Variants in ANKRD50 observed in about 807,000 individuals in gnomAD.
The protein encoded by ANKRD50 is ankyrin repeat domain-containing protein 50.
In ANKRD50, 40 loss-of-function variants were observed where a neutral mutation model predicts 112.0. The ratio of observed to expected loss-of-function variants is 0.36; its 90% CI spans 0.28 to 0.46. ANKRD50 has a LOEUF of 0.46. Ranked by LOEUF, ANKRD50 falls within the 20% of genes least tolerant of loss-of-function variation. The pLI is 1.00. For missense variants in ANKRD50, 1,487 were observed against 1,701.7 expected, an observed-to-expected ratio of 0.87 and a Z score of 2.22; for synonymous variants, 613 against 619.1, an observed-to-expected ratio of 0.99 and a Z score of 0.15.
chr4:124,690,184 GA>G (rs1376490071), intron 2 of ANKRD50, among the ~76,000 whole-genome samples: 2 of 152,154 alleles, frequency 1.3e-5, no homozygotes, highest in African/African-American at 4.8e-5. Context: ...GGGACATTTG[GA>G]ATATGCCAAA....
At chr4:124,702,468 T>C (rs1725413173) in intron 2 of ANKRD50, among the ~76,000 whole-genome samples, 1 of 152,182 alleles carries the variant, frequency 6.6e-6, no homozygotes, top group Non-Finnish European at 1.5e-5. Flanking sequence ...AGTACTCTAA[T>C]GCACACAGGA....
intron 2 of ANKRD50, among the ~76,000 whole-genome samples, chr4:124,692,166 C>T (rs915246968): frequency 6.6e-6 from 1 of 152,144 alleles, no homozygotes; most frequent in Non-Finnish European, 1.5e-5. Flanking sequence ...GAGAATATTC[C>T]AAAATCAAAC....
At position 124,671,973 on chromosome 4, in the gene ANKRD50, A is replaced by C; in HGVS notation, c.1304T>G (p.Met435Arg). 1 of 1,613,956 alleles carries C rather than the reference A, an allele frequency of 6.2e-7. No individual in the cohort carries two copies. The highest frequency in any genetic ancestry group is 1.3e-5 in the African/African-American group (1 of 75,018). Residue 435 changes from methionine (M) to arginine (R), a missense_variant, in exon 4 of 5, where the codon ATG becomes AGG. This residue lies in a region of ANKRD50 where 1,046 missense variants were observed against 1,269.5 expected (regional missense o/e 0.82). Coordinates refer to ENST00000504087, the MANE Select transcript of ANKRD50 (RefSeq NM_020337.3). ...TTGACAGGTATAACTCATAGCCAAC[A>C]TTCTGTGTCCTTCTGCTGCATTACA... Reference protein sequence around the residue: ...YLCNAAEGHRMLAMSYTCQAK... With the variant: ...YLCNAAEGHRRLAMSYTCQAK...
At position 124,670,096 on chromosome 4, in the gene ANKRD50, C is replaced by G; in HGVS notation, c.3181G>C (p.Val1061Leu). ...IAAQEGHIDV[V>L]QVLLEHGADP... Reference sequence around the variant, plus strand: ...GCACCATGCTCTAATAAGACCTGAACAACATCAATGTGCCCTTCCTGGGCT... The same window carrying G: ...GCACCATGCTCTAATAAGACCTGAAGAACATCAATGTGCCCTTCCTGGGCT... The change falls in exon 4 of 5, where the codon GTT (valine) becomes CTT (leucine). Residue 1061 changes from valine to leucine, a missense_variant. Transcript: ENST00000504087. The G allele has an allele frequency of 6.2e-7, 1 of 1,613,452 alleles. No individual in the cohort carries two copies. The highest frequency in any genetic ancestry group is 8.5e-7 in the Non-Finnish European group (1 of 1,179,776).
chr4:124,673,144 G>A (rs1730699107), intron 3 of ANKRD50, among the ~76,000 whole-genome samples: 2 of 151,778 alleles, frequency 1.3e-5, no homozygotes, highest in South Asian at 4.2e-4. Context: ...GCTAAATTAT[G>A]GTCAAAAAAC....
intron 2 of ANKRD50, among the ~76,000 whole-genome samples, chr4:124,683,538 C>A (rs1018226766): frequency 6.6e-6 from 1 of 151,362 alleles, no homozygotes; most frequent in Non-Finnish European, 1.5e-5. Context: ...TATTTATGTA[C>A]CCCTTCATGC....
At chr4:124,668,958 T>C in intron 4 of ANKRD50, 26 bp downstream of exon 4, 1 of 1,577,620 alleles carries the variant, frequency 6.3e-7, no homozygotes, top group Non-Finnish European at 8.6e-7. Context: ...TTTTGTTTTT[T>C]ACTCTTTATG....
At chr4:124,702,425 C>A (rs1725411772) in intron 2 of ANKRD50, among the ~76,000 whole-genome samples, 1 of 152,110 alleles carries the variant, frequency 6.6e-6, no homozygotes, top group Non-Finnish European at 1.5e-5. Flanking sequence ...TCAAAGAAAA[C>A]TCTAGAATCC....
chr4:124,676,643 T>A (rs542235303), intron 3 of ANKRD50, among the ~76,000 whole-genome samples: 8 of 151,686 alleles, frequency 5.3e-5, no homozygotes, highest in African/African-American at 1.9e-4. Context: ...TACCTTTTAG[T>A]AAAAAATAGT....
At chr4:124,699,839 A>G (rs975514672) in intron 2 of ANKRD50, among the ~76,000 whole-genome samples, 8 of 151,802 alleles carry the variant, frequency 5.3e-5, no homozygotes, top group African/African-American at 1.9e-4. Context: ...AAAAATTACC[A>G]GTGTGAAGAA....
chr4:124,710,273 C>T lies in ANKRD50; in HGVS notation c.239G>A (p.Gly80Asp). 6.2e-7 allele frequency: 1 copy of T among 1,614,188 alleles called. No individual in the cohort carries two copies. The highest frequency in any genetic ancestry group is 8.5e-7 in the Non-Finnish European group (1 of 1,180,030). ...AGTACATAGGGCCGTCTTGCCACTG[C>T]CAGGCCCTCCTACCAACAACACACC... ...AWGVLLVGGP[G>D]SGKTALCTEL... The change falls in exon 2 of 5, where the codon GGC (glycine) becomes GAC (aspartate). Residue 80 changes from glycine (G) to aspartate (D), a missense_variant. Gly to Asp is a moderately conservative substitution (Grantham distance 94). This residue lies in a region of ANKRD50 where 1,046 missense variants were observed against 1,269.5 expected (regional missense o/e 0.82). Coordinates refer to ENST00000504087, the MANE Select transcript of ANKRD50 (RefSeq NM_020337.3).
Position 124,672,466 on chromosome 4 carries a change from G to T in ANKRD50, c.811C>A (p.Leu271Ile), listed in dbSNP as rs1424981601. ...YIVKDVQQYI[L>I]HRLDQEEALR... ...GCTTCTTCTTGATCTAAACGATGAA[G>T]AATGTACTGCTGAACATCCTTGACG... Residue 271 changes from leucine to isoleucine, a missense_variant, in exon 4 of 5, where the codon CTT becomes ATT. Leu to Ile is a conservative substitution (Grantham distance 5). This residue lies in a region of ANKRD50 where 1,046 missense variants were observed against 1,269.5 expected (regional missense o/e 0.82). Coordinates refer to ENST00000504087, the MANE Select transcript of ANKRD50 (RefSeq NM_020337.3). 5 of 1,611,668 alleles carry T rather than the reference G, an allele frequency of 3.1e-6. No individual in the cohort carries two copies. The highest frequency in any genetic ancestry group is 4.2e-6 in the Non-Finnish European group (5 of 1,179,050).
rs1730630438 is a variant in ANKRD50, at chr4:124,670,897, C to T, written c.2380G>A (p.Ala794Thr). The T allele has an allele frequency of 6.2e-7, 1 of 1,613,848 alleles. No individual in the cohort carries two copies. The highest frequency in any genetic ancestry group is 8.5e-7 in the Non-Finnish European group (1 of 1,179,880). The change falls in exon 4 of 5, where the codon GCA becomes ACA. Residue 794 changes from alanine to threonine, a missense_variant. Around this residue, in one of 2 missense-constraint regions of ANKRD50, gnomAD observed 1,046 missense variants for 1,269.5 expected, o/e 0.82. Transcript: ENST00000504087. ...PLLAAASMGH[A>T]SVVNTLLFWG... Reference sequence around the variant, plus strand: ...AACAAAAGTGTATTTACAACTGATGCATGACCCATAGACGCTGCTGCTAAG... The same window carrying T: ...AACAAAAGTGTATTTACAACTGATGTATGACCCATAGACGCTGCTGCTAAG...
intron 2 of ANKRD50, among the ~76,000 whole-genome samples, chr4:124,705,147 A>T (rs746834244): frequency 5.9e-5 from 9 of 152,104 alleles, no homozygotes; most frequent in Non-Finnish European, 8.8e-5. Context: ...CTACAAACCT[A>T]AACAGATATA....
chr4:124,669,015 A>C lies in ANKRD50; in HGVS notation c.4262T>G (p.Phe1421Cys), dbSNP rs1730563018. Residue 1421 changes from phenylalanine to cysteine, a missense_variant, in exon 4 of 5, where the codon TTC becomes TGC. Physicochemically the swap from Phe to Cys is radical, Grantham distance 205. Coordinates refer to ENST00000504087, the MANE Select transcript of ANKRD50 (RefSeq NM_020337.3). ...KLQIEGSDPS[F>C]NYKKETPL ...TAATGGTGTTTCCTTTTTATAGTTG[A>C]AGCTAGGGTCAGAACCTTCAATCTG... 2 of 1,606,330 alleles carry C rather than the reference A, an allele frequency of 1.2e-6. No homozygotes were observed. The highest frequency in any genetic ancestry group is 8.5e-7 in the Non-Finnish European group (1 of 1,177,996).
At chr4:124,705,835 G>A (rs1348102329) in intron 2 of ANKRD50, among the ~76,000 whole-genome samples, 1 of 152,066 alleles carries the variant, frequency 6.6e-6, no homozygotes, top group Non-Finnish European at 1.5e-5. Flanking sequence ...GGCCTAAAGT[G>A]GGAGGCAGAA....
intron 2 of ANKRD50, among the ~76,000 whole-genome samples, chr4:124,703,444 A>AT (rs1362705093): frequency 2.6e-5 from 4 of 152,038 alleles, no homozygotes; most frequent in Admixed American, 2.0e-4. Flanking sequence ...AAAATGCAGC[A>AT]TTTTTTTCAG....
chr4:124,671,643 C>T lies in ANKRD50; in HGVS notation c.1634G>A (p.Gly545Glu), dbSNP rs200427768. The T allele has an allele frequency of 2.7e-4, 435 of 1,613,834 alleles. 1 individual carries two copies. The South Asian group carries it at 3.6e-3, about 13-fold the overall frequency. The change falls in exon 4 of 5, where the codon GGG (glycine) becomes GAG (glutamate). Residue 545 changes from glycine to glutamate, a missense_variant. By Grantham distance (98) the Gly-to-Glu change is moderately conservative. Coordinates refer to ENST00000504087, the MANE Select transcript of ANKRD50 (RefSeq NM_020337.3). ...TGCAGCATTAGCCAATAATGTTCTC[C>T]CATTTGAATCACACTGATTTACTGA... ...GASVNQCDSN[G>E]RTLLANAAYS... is the part of the protein sequence containing the mutation.
At chr4:124,690,109 T>C (rs923228889) in intron 2 of ANKRD50, among the ~76,000 whole-genome samples, 2 of 152,144 alleles carry the variant, frequency 1.3e-5, no homozygotes, top group African/African-American at 4.8e-5. Flanking sequence ...AAGGAAATGC[T>C]AGAGTTACAC....
Sources: gnomAD v4.1 joint callset for allele counts (sites outside exome capture counted in the v4.1 genomes callset) on GRCh38, gnomAD v4.1.1 for gene constraint, gnomAD v4.1.1 regional missense constraint, MANE v1.5 for transcripts, NCBI Gene and HGNC (gene_info 2026-07-23, HGNC 2026-07-21) for gene names.